Variants in TNIK observed in about 807,000 individuals in gnomAD.
TNIK encodes the protein TRAF2 and NCK-interacting protein kinase.
In TNIK, 49 loss-of-function variants were observed where a neutral mutation model predicts 191.3. That is an observed-to-expected ratio of 0.26 (90% CI 0.20 to 0.32). TNIK has a LOEUF of 0.32. Among genes scored for constraint, TNIK ranks in the 10% least tolerant of loss-of-function variants. The pLI, the probability that TNIK is intolerant of heterozygous loss-of-function variation, is 1.00. For missense variants in TNIK, 1,155 were observed against 1,702.3 expected, an observed-to-expected ratio of 0.68 and a Z score of 5.66; for synonymous variants, 594 against 600.9, an observed-to-expected ratio of 0.99 and a Z score of 0.17.
At chr3:171,395,092 C>T (rs1272261565) in intron 1 of TNIK, among the ~76,000 whole-genome samples, 1 of 152,098 alleles carries the variant, frequency 6.6e-6, no homozygotes, top group Non-Finnish European at 1.5e-5. Flanking sequence ...TTGAGATTCT[C>T]AACTGGGGAA....
At chr3:171,392,665 A>C (rs1719695049) in intron 1 of TNIK, among the ~76,000 whole-genome samples, 1 of 151,820 alleles carries the variant, frequency 6.6e-6, no homozygotes, top group Non-Finnish European at 1.5e-5. Flanking sequence ...CTGTAATCCC[A>C]GCTACTCAGG....
At chr3:171,140,601 T>G (rs994816429) in intron 12 of TNIK, 92 bp from the exon 13 acceptor site, 1 of 1,207,236 alleles carries the variant, frequency 8.3e-7, no homozygotes, top group African/African-American at 1.5e-5. Context: ...ACCCCAGACA[T>G]GAACTTTTAA....
chr3:171,093,862 C>T lies in TNIK; in HGVS notation c.2698G>A (p.Glu900Lys). The change falls in exon 23 of 33, where the codon GAA becomes AAA. Residue 900 changes from glutamate (E) to lysine (K), a missense_variant. Coordinates refer to ENST00000436636, the MANE Select transcript of TNIK (RefSeq NM_015028.4). ...ACCTCTCTAATCATCAAGGTTCCTTCTCTTGAAATACTGCCGCTGAAACTG... is the reference window on the plus strand; with the variant it reads ...ACCTCTCTAATCATCAAGGTTCCTTTTCTTGAAATACTGCCGCTGAAACTG... The part of the protein sequence containing the change: ...ADSFSGSISR[E>K]GTLMIRETSG... The T allele has an allele frequency of 6.2e-7, 1 of 1,613,864 alleles. No homozygotes were observed.
At chr3:171,193,021 A>G (rs892812430) in intron 5 of TNIK, among the ~76,000 whole-genome samples, 5 of 152,168 alleles carry the variant, frequency 3.3e-5, no homozygotes, top group Admixed American at 3.3e-4. Context: ...GGTATGTAGC[A>G]GGTGTCAGGT....
intron 1 of TNIK, among the ~76,000 whole-genome samples, chr3:171,422,099 G>A (rs2108633242): frequency 6.6e-6 from 1 of 152,164 alleles, no homozygotes; most frequent in South Asian, 2.1e-4. Context: ...ATATTATTGT[G>A]ACACTGAATT....
At chr3:171,442,633 C>G (rs1429650918) in intron 1 of TNIK, among the ~76,000 whole-genome samples, 3 of 152,058 alleles carry the variant, frequency 2.0e-5, no homozygotes, top group Non-Finnish European at 2.9e-5. Context: ...GAAGAAGGAC[C>G]CTTTTTGTTT....
intron 12 of TNIK, among the ~76,000 whole-genome samples, chr3:171,143,502 C>T (rs77892556): frequency 0.011 from 1,678 of 152,272 alleles, 29 homozygotes; most frequent in African/African-American, 0.038. Context: ...GAGTTTGTTG[C>T]GCTGAACATA....
intron 1 of TNIK, among the ~76,000 whole-genome samples, chr3:171,415,274 T>C (rs1447324614): frequency 6.6e-6 from 1 of 152,200 alleles, no homozygotes; most frequent in Non-Finnish European, 1.5e-5. Flanking sequence ...TGTTTCATCA[T>C]AGCACTTAAC....
chr3:171,126,857 G>C (rs914790522), intron 16 of TNIK, among the ~76,000 whole-genome samples: 4 of 152,248 alleles, frequency 2.6e-5, no homozygotes, highest in Non-Finnish European at 5.9e-5. Context: ...CTGGGCATGT[G>C]GTGATACTGT....
At position 171,071,335 on chromosome 3, in the gene TNIK, A is replaced by C; in HGVS notation, c.3449-12T>G. Reference sequence around the variant, plus strand: ...CCTTTCATATTTAACTGTAATAGAAAAATTATGAGTGAAAAAGTACATCAA... The same window carrying C: ...CCTTTCATATTTAACTGTAATAGAACAATTATGAGTGAAAAAGTACATCAA... On this transcript the variant is annotated splice_polypyrimidine_tract_variant and intron_variant, in intron 28 of 32. Coordinates refer to ENST00000436636, the MANE Select transcript of TNIK (RefSeq NM_015028.4). 1 of 1,539,934 alleles carries C rather than the reference A, an allele frequency of 6.5e-7. No individual in the cohort carries two copies.
intron 15 of TNIK, among the ~76,000 whole-genome samples, chr3:171,129,120 G>A (rs930883125): frequency 4.6e-5 from 7 of 152,040 alleles, no homozygotes; most frequent in South Asian, 2.1e-4. Context: ...AGTGTTATTC[G>A]GTTAGCAGGG....
chr3:171,170,887 TAAACAATAGAA>T (rs1281881045), intron 9 of TNIK, among the ~76,000 whole-genome samples: 1 of 152,134 alleles, frequency 6.6e-6, no homozygotes, highest in African/African-American at 2.4e-5. Flanking sequence ...GGTCTCTTTA[TAAACAATAGAA>T]AAAAGTAGCT....
At chr3:171,230,707 A>G (rs1357755558) in intron 2 of TNIK, among the ~76,000 whole-genome samples, 1 of 151,872 alleles carries the variant, frequency 6.6e-6, no homozygotes, top group Non-Finnish European at 1.5e-5. Flanking sequence ...CAATTACAGT[A>G]CTCTGTCCTC....
chr3:171,137,338 T>C (rs189457879), intron 15 of TNIK, among the ~76,000 whole-genome samples: 29 of 152,008 alleles, frequency 1.9e-4, no homozygotes, highest in Admixed American at 1.5e-3. Context: ...AGATTCTAGA[T>C]AAAAATACAA....
At chr3:171,378,953 A>G (rs1427668683) in intron 1 of TNIK, among the ~76,000 whole-genome samples, 1 of 152,196 alleles carries the variant, frequency 6.6e-6, no homozygotes, top group African/African-American at 2.4e-5. Context: ...GGAATCACCC[A>G]TTGCCTTTCA....
chr3:171,222,873 T>C (rs574449971), intron 3 of TNIK, among the ~76,000 whole-genome samples: 1 of 152,206 alleles, frequency 6.6e-6, no homozygotes, highest in South Asian at 2.1e-4. Flanking sequence ...TTGGCTCTAG[T>C]AGTAGTTTGA....
intron 7 of TNIK, among the ~76,000 whole-genome samples, chr3:171,183,018 T>C (rs1343623826): frequency 1.3e-5 from 2 of 152,190 alleles, no homozygotes; most frequent in African/African-American, 2.4e-5. Context: ...GCATTGGGTA[T>C]TCAACGAATG....
chr3:171,249,740 G>A (rs970917054), intron 2 of TNIK, among the ~76,000 whole-genome samples: 6 of 152,162 alleles, frequency 3.9e-5, no homozygotes, highest in Non-Finnish European at 5.9e-5. Flanking sequence ...AGCATATACA[G>A]TTATTCCATA....
chr3:171,187,311 C>A (rs577144464), intron 7 of TNIK, among the ~76,000 whole-genome samples: 1 of 152,202 alleles, frequency 6.6e-6, no homozygotes, highest in South Asian at 2.1e-4. Flanking sequence ...GACATTTTGG[C>A]AGGAGATTAA....
Sources: gnomAD v4.1 joint callset for allele counts (sites outside exome capture counted in the v4.1 genomes callset) on GRCh38, gnomAD v4.1.1 for gene constraint, MANE v1.5 for transcripts, NCBI Gene and HGNC (gene_info 2026-07-23, HGNC 2026-07-21) for gene names.